ALG9: variants seen among roughly 807,000 people sequenced by gnomAD.
ALG9 encodes the protein ALG9 alpha-1,2-mannosyltransferase.
ALG9 carries 55 observed loss-of-function variants against 81.8 expected under a neutral mutation model. That is an observed-to-expected ratio of 0.67 (90% CI 0.54 to 0.84). The LOEUF is 0.84. Ranked by LOEUF, ALG9 falls within the 40% of genes least tolerant of loss-of-function variation. The pLI, the probability that ALG9 is intolerant of heterozygous loss-of-function variation, is 0.00. For missense variants in ALG9, 629 were observed against 745.0 expected (o/e 0.84, Z 1.81); for synonymous variants, 278 against 274.3 (o/e 1.01, Z -0.13).
At chr11:111,823,550 T>A (rs1328474163) in intron 13 of ALG9, among the ~76,000 whole-genome samples, 1 of 152,182 alleles carries the variant, frequency 6.6e-6, no homozygotes, top group African/African-American at 2.4e-5. Context: ...TTCTCTCAAT[T>A]TGTTGATGTC....
At chr11:111,772,434 G>A in the ALG9 span, among the ~76,000 whole-genome samples, 206 of 152,086 alleles carry the variant, frequency 1.4e-3, no homozygotes, top group African/African-American at 4.8e-3. Context: ...AAAAGAAAGA[G>A]GACACTCAGT....
intron 3 of ALG9, among the ~76,000 whole-genome samples, chr11:111,865,954 T>C (rs1555152456): frequency 3.3e-5 from 5 of 152,194 alleles, no homozygotes; most frequent in Non-Finnish European, 5.9e-5. Flanking sequence ...CAGAATACCA[T>C]ATGGTTAAGA....
chr11:111,789,482 C>G (rs1029915408), intron 14 of ALG9, among the ~76,000 whole-genome samples: 1 of 151,688 alleles, frequency 6.6e-6, no homozygotes, highest in African/African-American at 2.4e-5. Flanking sequence ...TCGAGCAATC[C>G]ACCTGCCTCA....
Position 111,786,389 on chromosome 11 carries a change from G to A in ALG9, c.*8C>T, listed in dbSNP as rs1946471064. ...AGATGGTTGTCCTTTGGGGCCACAG[G>A]TGTGTTGCTAACCTCCACTTTTCTT... On this transcript the variant is annotated 3_prime_UTR_variant, in exon 15 of 15. Transcript: ENST00000616540. 1.2e-6 allele frequency: 2 copies of A among 1,613,896 alleles called. No homozygotes were observed. The highest frequency in any genetic ancestry group is 4.5e-5 in the East Asian group (2 of 44,864).
the ALG9 span, among the ~76,000 whole-genome samples, chr11:111,777,170 A>G: frequency 1.3e-5 from 2 of 152,172 alleles, no homozygotes; most frequent in Non-Finnish European, 2.9e-5. Context: ...TATGTTACCT[A>G]TGAACACCAT....
intron 9 of ALG9, among the ~76,000 whole-genome samples, chr11:111,841,783 C>A (rs1198207820): frequency 2.0e-5 from 3 of 152,104 alleles, no homozygotes; most frequent in East Asian, 1.9e-4. Context: ...GATAAAAATT[C>A]TTGAACTACA....
intron 5 of ALG9, among the ~76,000 whole-genome samples, chr11:111,860,247 T>C (rs1959591617): frequency 6.6e-6 from 1 of 152,246 alleles, no homozygotes; most frequent in South Asian, 2.1e-4. Flanking sequence ...CTACCAGCTC[T>C]ACCATTTATG....
chr11:111,820,688 A>G (rs928784430), intron 13 of ALG9, among the ~76,000 whole-genome samples: 1 of 152,202 alleles, frequency 6.6e-6, no homozygotes, highest in Non-Finnish European at 1.5e-5. Flanking sequence ...TGTTAGAGAT[A>G]ATCAAGTCCA....
chr11:111,846,803 CTT>C (rs1435533607), intron 8 of ALG9, among the ~76,000 whole-genome samples: 1 of 152,148 alleles, frequency 6.6e-6, no homozygotes, highest in Non-Finnish European at 1.5e-5. Context: ...ACTTTTATCT[CTT>C]TTCAGGGAGA....
chr11:111,804,486 G>C (rs1949636924), intron 14 of ALG9, among the ~76,000 whole-genome samples: 1 of 152,114 alleles, frequency 6.6e-6, no homozygotes, highest in East Asian at 1.9e-4. Flanking sequence ...AGCGCTTTCG[G>C]GGGCTGAGGC....
intron 14 of ALG9, among the ~76,000 whole-genome samples, chr11:111,807,866 C>T (rs1950156988): frequency 6.6e-6 from 1 of 152,170 alleles, no homozygotes; most frequent in Non-Finnish European, 1.5e-5. Context: ...GGGCGGATAG[C>T]TTGAGCTTAC....
At chr11:111,870,651 A>C in intron 1 of ALG9, 1 of 848,748 alleles carries the variant, frequency 1.2e-6, no homozygotes, top group Non-Finnish European at 1.5e-6. Context: ...AGCCTTCTGA[A>C]GAATTGACTT....
chr11:111,844,609 C>T lies in ALG9; in HGVS notation c.1010G>A (p.Arg337Lys). ...TCTCTTATGCCACTCACCATGAAAT[C>T]TCTGCAGCAGGTATTCCATAAGAGA... ...LTSLMEYLLQ[R>K]FHVQNLGHPY... The change falls in exon 9 of 15, where the codon AGA (arginine) becomes AAA (lysine). Residue 337 changes from arginine (R) to lysine (K), a missense_variant. By Grantham distance (26) the Arg-to-Lys change is conservative. Transcript: ENST00000616540. The T allele has an allele frequency of 1.9e-6, 3 of 1,614,028 alleles. No homozygotes were observed. Among genetic ancestry groups the T allele is most frequent in the Non-Finnish European group, 2.5e-6 (3 of 1,179,976 alleles).
At chr11:111,829,235 T>C (rs782289682) in intron 13 of ALG9, 6 of 152,202 alleles carry the variant, frequency 3.9e-5, no homozygotes, top group Non-Finnish European at 7.3e-5. Context: ...TCATTCTTTC[T>C]TGCATCAAAA....
chr11:111,791,782 A>G (rs1453502349), intron 14 of ALG9, among the ~76,000 whole-genome samples: 7 of 152,330 alleles, frequency 4.6e-5, no homozygotes, highest in Admixed American at 3.9e-4. Context: ...CTCATTTTTA[A>G]AGTCTCAGCT....
At chr11:111,833,773 C>T (rs1555115025) in intron 13 of ALG9, among the ~76,000 whole-genome samples, 3 of 152,232 alleles carry the variant, frequency 2.0e-5, no homozygotes, top group Non-Finnish European at 4.4e-5. Context: ...GTGACTCCTA[C>T]TGGCATCCTG....
At chr11:111,790,573 A>G (rs2136219865) in intron 14 of ALG9, among the ~76,000 whole-genome samples, 1 of 152,364 alleles carries the variant, frequency 6.6e-6, no homozygotes, top group South Asian at 2.1e-4. Context: ...TAAAAAATAA[A>G]AGAGATTGGG....
intron 10 of ALG9, among the ~76,000 whole-genome samples, chr11:111,839,801 T>C (rs1392873113): frequency 6.6e-6 from 1 of 152,156 alleles, no homozygotes; most frequent in African/African-American, 2.4e-5. Flanking sequence ...TCACCTAATA[T>C]TGATGAACCT....
intron 6 of ALG9, among the ~76,000 whole-genome samples, chr11:111,855,227 T>C (rs1477384199): frequency 6.6e-6 from 1 of 152,256 alleles, no homozygotes; most frequent in Non-Finnish European, 1.5e-5. Flanking sequence ...TGTATGTTTG[T>C]TGTTTTTTAA....
Sources: allele counts gnomAD v4.1 joint callset (sites outside exome capture counted in the v4.1 genomes callset), GRCh38; gene constraint gnomAD v4.1.1; transcripts MANE v1.5; gene names NCBI Gene and HGNC (gene_info 2026-07-23, HGNC 2026-07-21).